Variants in LIMK2 observed in about 807,000 individuals in gnomAD.
The protein encoded by LIMK2 is LIM domain kinase 2.
Under a neutral mutation model 75.7 loss-of-function variants are expected in LIMK2, and 35 were observed. That is an observed-to-expected ratio of 0.46 (90% CI 0.35 to 0.61). The LOEUF (loss-of-function observed/expected upper bound fraction) is 0.61, where lower values mean the gene tolerates loss of function less well. Ranked by LOEUF, LIMK2 falls within the 20% of genes least tolerant of loss-of-function variation. The probability of loss-of-function intolerance (pLI) is 0.00; values close to 1 mark genes in which losing one functional copy is unlikely to be tolerated. For synonymous variants in LIMK2, 301 were observed against 319.2 expected, an observed-to-expected ratio of 0.94 and a Z score of 0.61; for missense variants, 623 against 831.0, an observed-to-expected ratio of 0.75 and a Z score of 3.08.
chr22:31,229,594 C>T (rs1365618124), intron 2 of LIMK2, among the ~76,000 whole-genome samples: 2 of 152,162 alleles, frequency 1.3e-5, no homozygotes, highest in Non-Finnish European at 2.9e-5. Context: ...CCCCTTCCAG[C>T]CTTGCTCTTA....
At chr22:31,225,684 A>G (rs762734574) in intron 1 of LIMK2, 36 bp from the exon 2 acceptor site, 11 of 1,521,900 alleles carry the variant, frequency 7.2e-6, no homozygotes, top group East Asian at 6.8e-5. Context: ...GCCTCCTGCT[A>G]CTTTGGGCCT....
chr22:31,232,646 A>G (rs778621768), intron 2 of LIMK2, among the ~76,000 whole-genome samples: 15 of 152,080 alleles, frequency 9.9e-5, no homozygotes, highest in South Asian at 4.2e-4. Context: ...GTCTTGCTCT[A>G]TTGCCCAGGC....
Position 31,212,301 on chromosome 22 carries a change from T to A in LIMK2, c.-108T>A, listed in dbSNP as rs907956474. ...CCCGTTCGCGCCTGGGGCTGTGGTC[T>A]TCCCGCGCCTGAGGCGGCGGCGGCA... is the stretch of plus-strand genomic sequence containing the variant. On this transcript the variant is annotated 5_prime_UTR_variant, in exon 1 of 16. Transcript: ENST00000331728. 8.3e-7 allele frequency: 1 copy of A among 1,205,610 alleles called. No individual in the cohort carries two copies. The highest frequency in any genetic ancestry group is 3.7e-5 in the South Asian group (1 of 26,760). The allele number at this position is 1,205,610 out of a possible 1,614,324, so 74.7% of individuals were successfully genotyped here.
At chr22:31,218,507 G>A (rs141084678) in intron 1 of LIMK2, among the ~76,000 whole-genome samples, 13 of 152,154 alleles carry the variant, frequency 8.5e-5, no homozygotes, top group East Asian at 1.9e-4. Context: ...AGAGAAGCTC[G>A]AAAGCTCTTT....
At chr22:31,248,899 T>A in intron 2 of LIMK2, 1 of 973,220 alleles carries the variant, frequency 1.0e-6, no homozygotes, top group East Asian at 2.5e-5. Context: ...CCAGCGGAGG[T>A]TATACCCAAG....
intron 5 of LIMK2, 56 bp downstream of exon 5, chr22:31,260,133 C>A: frequency 7.1e-7 from 1 of 1,410,894 alleles, no homozygotes; most frequent in Non-Finnish European, 9.5e-7. Flanking sequence ...TGTAAATGGG[C>A]CTCAGAGGGC....
chr22:31,220,111 T>C (rs1373741746), intron 1 of LIMK2, among the ~76,000 whole-genome samples: 1 of 152,144 alleles, frequency 6.6e-6, no homozygotes, highest in Non-Finnish European at 1.5e-5. Context: ...GGTAAGAGAA[T>C]AGATCAATGA....
chr22:31,253,227 ACCACCT>A (rs913641271), intron 2 of LIMK2, among the ~76,000 whole-genome samples: 1 of 152,162 alleles, frequency 6.6e-6, no homozygotes, highest in Non-Finnish European at 1.5e-5. Flanking sequence ...CCTCAGCTTT[ACCACCT>A]CCCAGCTGGG....
At chr22:31,223,659 A>C (rs1009477985) in intron 1 of LIMK2, among the ~76,000 whole-genome samples, 4 of 152,214 alleles carry the variant, frequency 2.6e-5, no homozygotes, top group Non-Finnish European at 5.9e-5. Flanking sequence ...TCCGTAACCC[A>C]ACCTGGGATT....
intron 5 of LIMK2, among the ~76,000 whole-genome samples, chr22:31,261,638 C>T (rs1001200294): frequency 4.6e-5 from 7 of 150,642 alleles, no homozygotes; most frequent in South Asian, 2.1e-4. Context: ...TATGGTGGTG[C>T]GCGCCTGTAA....
chr22:31,269,689 G>C (rs556141830), intron 11 of LIMK2, among the ~76,000 whole-genome samples: 1 of 151,836 alleles, frequency 6.6e-6, no homozygotes, highest in East Asian at 1.9e-4. Context: ...CAGGAGAATA[G>C]CTTGAACCTG....
chr22:31,265,846 C>A, intron 7 of LIMK2, 100 bp from the exon 8 acceptor site: 1 of 877,340 alleles, frequency 1.1e-6, no homozygotes, highest in Admixed American at 2.1e-5. Context: ...AAACTATAGA[C>A]ATTGGAATGA....
At chr22:31,273,618 T>C in intron 14 of LIMK2, 111 bp downstream of exon 14, 1 of 822,178 alleles carries the variant, frequency 1.2e-6, no homozygotes, top group South Asian at 1.4e-5. Context: ...AAAATCAACA[T>C]GGGTGTAGGG....
chr22:31,273,580 TCTC>T (rs748889572), intron 14 of LIMK2, 73 bp downstream of exon 14: 88 of 1,219,370 alleles, frequency 7.2e-5, no homozygotes, highest in Non-Finnish European at 9.5e-5. Flanking sequence ...AACTGGGGCA[TCTC>T]CTCCTAGGGA....
intron 15 of LIMK2, among the ~76,000 whole-genome samples, chr22:31,275,996 G>A (rs960642908): frequency 6.6e-6 from 1 of 152,168 alleles, no homozygotes; most frequent in African/African-American, 2.4e-5. Context: ...AGCACTTTGG[G>A]AGGCTGAGGC....
intron 14 of LIMK2, 105 bp from the exon 15 acceptor site, chr22:31,275,046 T>A: frequency 1.8e-6 from 2 of 1,096,458 alleles, no homozygotes; most frequent in East Asian, 2.4e-5. Flanking sequence ...TTTTACCACC[T>A]CCTCTTCTGC....
chr22:31,225,322 T>C (rs980753022), intron 1 of LIMK2, among the ~76,000 whole-genome samples: 1 of 152,112 alleles, frequency 6.6e-6, no homozygotes, highest in Non-Finnish European at 1.5e-5. Context: ...CAGAGAGAAG[T>C]TTCTGGCTGT....
At chr22:31,248,750 A>G (rs1490365580) in intron 2 of LIMK2, 5 of 1,613,952 alleles carry the variant, frequency 3.1e-6, no homozygotes, top group Non-Finnish European at 4.2e-6. Context: ...GGCTTACTTC[A>G]CCTCCAGAGA....
At chr22:31,227,388 C>G (rs1747373364) in intron 2 of LIMK2, among the ~76,000 whole-genome samples, 1 of 152,224 alleles carries the variant, frequency 6.6e-6, no homozygotes, top group Non-Finnish European at 1.5e-5. Flanking sequence ...TAAACACTTG[C>G]CTCTTCCCTG....
Sources: allele counts gnomAD v4.1 joint callset (sites outside exome capture counted in the v4.1 genomes callset), GRCh38; gene constraint gnomAD v4.1.1; transcripts MANE v1.5; gene names NCBI Gene and HGNC (gene_info 2026-07-23, HGNC 2026-07-21).